WDFY4: variants seen among roughly 807,000 people sequenced by gnomAD.
WDFY4 encodes WDFY family member 4.
In WDFY4, 169 loss-of-function variants were observed where a neutral mutation model predicts 351.9. That is an observed-to-expected ratio of 0.48 (90% confidence interval 0.42 to 0.55). WDFY4 has a LOEUF of 0.55. WDFY4 is among the 20% of genes least tolerant of loss of function. WDFY4 has a pLI of 0.00. For synonymous variants in WDFY4, 1,622 were observed against 1,574.6 expected (o/e 1.03, Z -0.71); for missense variants, 3,803 against 3,935.6 (o/e 0.97, Z 0.90).
chr10:48,705,607 G>A (rs1226271989), intron 1 of WDFY4, among the ~76,000 whole-genome samples: 1 of 152,138 alleles, frequency 6.6e-6, no homozygotes, highest in Non-Finnish European at 1.5e-5. Context: ...ATGAGCAGGA[G>A]GTGGGGCAGC....
chr10:48,915,398 C>G (rs936580912), intron 47 of WDFY4, among the ~76,000 whole-genome samples: 3 of 145,602 alleles, frequency 2.1e-5, no homozygotes, highest in African/African-American at 7.5e-5. Flanking sequence ...TAAAGGCCTC[C>G]TGTGCCTCCT....
At chr10:48,726,859 T>C (rs2064286354) in intron 6 of WDFY4, among the ~76,000 whole-genome samples, 2 of 152,206 alleles carry the variant, frequency 1.3e-5, no homozygotes, top group Non-Finnish European at 2.9e-5. Context: ...CTAAAAACAG[T>C]GACCCATCCA....
chr10:48,737,518 T>C (rs2064711465), intron 11 of WDFY4, among the ~76,000 whole-genome samples: 1 of 152,214 alleles, frequency 6.6e-6, no homozygotes, highest in African/African-American at 2.4e-5. Flanking sequence ...CAGACATTGA[T>C]GTGAGCTGTT....
chr10:48,771,367 A>T (rs2065860049), intron 13 of WDFY4, among the ~76,000 whole-genome samples: 2 of 152,018 alleles, frequency 1.3e-5, no homozygotes, highest in Non-Finnish European at 2.9e-5. Context: ...GAATGAGGTG[A>T]CTCTGAGCAA....
chr10:48,754,368 A>G (rs1051015123), intron 12 of WDFY4, among the ~76,000 whole-genome samples: 3 of 151,910 alleles, frequency 2.0e-5, no homozygotes, highest in Admixed American at 6.6e-5. Flanking sequence ...TTTGCTTGAA[A>G]TGCTTTTCCC....
chr10:48,703,280 C>T (rs563263149), intron 1 of WDFY4, among the ~76,000 whole-genome samples: 9 of 152,298 alleles, frequency 5.9e-5, no homozygotes, highest in African/African-American at 2.2e-4. Flanking sequence ...GAGGCACTGG[C>T]TTTTGCATGG....
At chr10:48,979,158 C>T (rs929829814) in intron 60 of WDFY4, among the ~76,000 whole-genome samples, 1 of 152,186 alleles carries the variant, frequency 6.6e-6, no homozygotes, top group East Asian at 1.9e-4. Context: ...AAGGCAATAA[C>T]ATCACAAAGA....
At chr10:48,911,103 A>G (rs1245387204) in intron 47 of WDFY4, among the ~76,000 whole-genome samples, 2 of 152,212 alleles carry the variant, frequency 1.3e-5, no homozygotes, top group Non-Finnish European at 2.9e-5. Context: ...GAAATAGCAG[A>G]TTGGCTCCCT....
chr10:48,981,295 C>T (rs1459882551), intron 60 of WDFY4, 72 bp from the exon 61 acceptor site: 15 of 1,275,806 alleles, frequency 1.2e-5, no homozygotes, highest in East Asian at 1.0e-4. Context: ...TTTGCGGCCC[C>T]GTGTGCAGAT....
At chr10:48,943,599 T>C in intron 49 of WDFY4, 150 bp downstream of exon 49, 2 of 316,168 alleles carry the variant, frequency 6.3e-6, no homozygotes, top group South Asian at 8.8e-5. Context: ...CTCAGATCTC[T>C]TTTTTTTTTT....
At chr10:48,736,802 G>C (rs1199089668) in intron 11 of WDFY4, among the ~76,000 whole-genome samples, 1 of 152,142 alleles carries the variant, frequency 6.6e-6, no homozygotes. Flanking sequence ...TTACCTGGTT[G>C]AGGAAGGCCC....
intron 47 of WDFY4, among the ~76,000 whole-genome samples, chr10:48,921,209 A>G (rs1003894286): frequency 1.3e-5 from 2 of 152,206 alleles, no homozygotes; most frequent in South Asian, 2.1e-4. Context: ...ATGTGTCCCA[A>G]TTTTAAAATT....
chr10:48,928,353 CGTGTGTGTGTGTGTGTGTGT>C (rs3081490), intron 47 of WDFY4, among the ~76,000 whole-genome samples: 1,498 of 125,052 alleles, frequency 0.012, 27 homozygotes, highest in African/African-American at 0.041. Flanking sequence ...TTGGTTTTGA[CGTGTGTGTGTGTGTGTGTGT>C]GTGTGTGTGT....
chr10:48,906,032 G>C (rs1360408621), intron 47 of WDFY4, among the ~76,000 whole-genome samples: 2 of 152,210 alleles, frequency 1.3e-5, no homozygotes, highest in East Asian at 3.8e-4. Flanking sequence ...AGGAGGGCTT[G>C]GCTGGCCACT....
chr10:48,974,502 C>CAAAAAAAAAAAAAAAAAAAAAAAAAAA (rs553826473), intron 57 of WDFY4, among the ~76,000 whole-genome samples: 1 of 10,394 alleles, frequency 9.6e-5, no homozygotes, highest in African/African-American at 3.2e-4. Context: ...GACTCCGTCT[C>CAAAAAAAAAAAAAAAAAAAAAAAAAAA]AAAAAAAAAA....
At chr10:48,777,866 G>A in intron 17 of WDFY4, among the ~76,000 whole-genome samples, 1 of 152,206 alleles carries the variant, frequency 6.6e-6, no homozygotes, top group East Asian at 1.9e-4. Flanking sequence ...CATCCCAAGG[G>A]TCCAGCCTAT....
At chr10:48,738,187 C>G (rs758436951) in intron 11 of WDFY4, among the ~76,000 whole-genome samples, 1 of 152,172 alleles carries the variant, frequency 6.6e-6, no homozygotes, top group Non-Finnish European at 1.5e-5. Flanking sequence ...TTTGCTTTTA[C>G]TTTGCTTGAA....
At chr10:48,800,393 G>A (rs1258990523) in intron 24 of WDFY4, among the ~76,000 whole-genome samples, 1 of 152,130 alleles carries the variant, frequency 6.6e-6, no homozygotes, top group East Asian at 1.9e-4. Flanking sequence ...AGGAAGTTGT[G>A]AGGAAGGGAG....
At chr10:48,848,384 A>G (rs777670738) in intron 39 of WDFY4, among the ~76,000 whole-genome samples, 11 of 152,176 alleles carry the variant, frequency 7.2e-5, no homozygotes, top group Non-Finnish European at 8.8e-5. Context: ...GACACATAAT[A>G]GAAGTGTTTA....
Sources: gnomAD v4.1 joint callset for allele counts (sites outside exome capture counted in the v4.1 genomes callset) on GRCh38, gnomAD v4.1.1 for gene constraint, MANE v1.5 for transcripts, NCBI Gene and HGNC (gene_info 2026-07-23, HGNC 2026-07-21) for gene names.